CMYA5: variants seen among roughly 807,000 people sequenced by gnomAD.
CMYA5 encodes cardiomyopathy-associated protein 5.
Under a neutral mutation model 318.9 loss-of-function variants are expected in CMYA5, and 246 were observed. The ratio of observed to expected loss-of-function variants is 0.77; its 90% CI spans 0.70 to 0.86. The LOEUF (loss-of-function observed/expected upper bound fraction) is 0.86. Ranked by LOEUF, CMYA5 falls within the 40% of genes least tolerant of loss-of-function variation. CMYA5 has a pLI of 0.00. For missense variants in CMYA5, 4,589 were observed against 4,678.2 expected (o/e 0.98, Z 0.56); for synonymous variants, 1,641 against 1,729.5 (o/e 0.95, Z 1.27).
At chr5:79,726,909 ATTTTTTT>A (rs34198193) in intron 1 of CMYA5, among the ~76,000 whole-genome samples, 7 of 96,038 alleles carry the variant, frequency 7.3e-5, no homozygotes, top group South Asian at 3.3e-4. Context: ...TAGGCCAGTG[ATTTTTTT>A]TTTTTTTTTT....
intron 9 of CMYA5, among the ~76,000 whole-genome samples, chr5:79,785,512 T>C (rs1829067643): frequency 6.6e-6 from 1 of 152,144 alleles, no homozygotes; most frequent in Non-Finnish European, 1.5e-5. Context: ...AGATCTTATA[T>C]CTTTATATAT....
At chr5:79,788,563 A>G (rs141117828) in intron 9 of CMYA5, among the ~76,000 whole-genome samples, 40 of 145,832 alleles carry the variant, frequency 2.7e-4, no homozygotes, top group African/African-American at 8.9e-4. Flanking sequence ...TTTGGTTTCT[A>G]TTAACTTTGG....
rs372396958 is a variant in CMYA5, at chr5:79,737,786, G to A, written c.9021G>A (p.Arg3007=). 1.2e-6 allele frequency: 2 copies of A among 1,610,814 alleles called. No homozygotes were observed. Among genetic ancestry groups the A allele is most frequent in the Non-Finnish European group, 1.7e-6 (2 of 1,179,188 alleles). ...CTTGTCATAAAACATTAAAGAGCAGGTTAGAAGATGAAAAAGTTACCCCAT... is the reference window on the plus strand; with the variant it reads ...CTTGTCATAAAACATTAAAGAGCAGATTAGAAGATGAAAAAGTTACCCCAT... ...TVACHKTLKS[R]LEDEKVTPLK... The change falls in exon 2 of 13, where the codon AGG becomes AGA. Residue 3007 remains arginine, a synonymous_variant. Transcript: ENST00000446378.
At chr5:79,739,702 G>T (rs1329976766) in intron 2 of CMYA5, among the ~76,000 whole-genome samples, 1 of 152,144 alleles carries the variant, frequency 6.6e-6, no homozygotes, top group South Asian at 2.1e-4. Flanking sequence ...ATAAGAGGGG[G>T]CTGGGTGTGG....
chr5:79,741,895 G>T (rs1828214680), intron 2 of CMYA5, among the ~76,000 whole-genome samples: 1 of 151,872 alleles, frequency 6.6e-6, no homozygotes, highest in Non-Finnish European at 1.5e-5. Flanking sequence ...TAAACAGTAT[G>T]AGAAGGAGAA....
At position 79,736,649 on chromosome 5, in the gene CMYA5, G is replaced by A. The variant is rs1828075989; in HGVS notation, c.7884G>A (p.Leu2628=). Residue 2628 remains leucine (L), a synonymous_variant, in exon 2 of 13, where the codon TTG becomes TTA. Transcript: ENST00000446378. ...QPHPLEESKV[L]VEKTKTFLPV... ...ATCCTTTAGAAGAAAGTAAAGTTTT[G>A]GTGGAGAAAACCAAGACTTTCCTGC... 6.2e-7 allele frequency: 1 copy of A among 1,613,568 alleles called. No individual in the cohort carries two copies. The highest frequency in any genetic ancestry group is 1.3e-5 in the African/African-American group (1 of 74,860).
At chr5:79,754,051 G>A (rs1322471747) in intron 6 of CMYA5, among the ~76,000 whole-genome samples, 1 of 152,208 alleles carries the variant, frequency 6.6e-6, no homozygotes, top group African/African-American at 2.4e-5. Flanking sequence ...ATGTCACAAA[G>A]TGTTAACAAT....
At chr5:79,703,519 C>T (rs936197828) in intron 1 of CMYA5, among the ~76,000 whole-genome samples, 1 of 152,174 alleles carries the variant, frequency 6.6e-6, no homozygotes, top group East Asian at 1.9e-4. Context: ...GAATTTAATT[C>T]CTTCTAAAGC....
At position 79,753,166 on chromosome 5, in the gene CMYA5, G is replaced by A. The variant is rs532444195; in HGVS notation, c.11110+372G>A. Among the ~76,000 whole-genome samples the A allele has an allele frequency of 4.3e-4, 66 of 151,880 alleles. 1 individual carries two copies. The highest frequency in any genetic ancestry group is 1.3e-3 in the African/African-American group (54 of 41,422). Reference sequence around the variant, plus strand: ...AAAAAGAAGTCAAATGTTTTCCTACGTGTCAAACAGATTTCTCTTTATGAG... The same window carrying A: ...AAAAAGAAGTCAAATGTTTTCCTACATGTCAAACAGATTTCTCTTTATGAG... On this transcript the variant is annotated intron_variant, in intron 6 of 12. Coordinates refer to ENST00000446378, the MANE Select transcript of CMYA5 (RefSeq NM_153610.5).
chr5:79,756,401 G>A (rs892092481), intron 6 of CMYA5, among the ~76,000 whole-genome samples: 8 of 152,160 alleles, frequency 5.3e-5, no homozygotes, highest in African/African-American at 1.9e-4. Flanking sequence ...AGGCCCCTTT[G>A]CTTTCTGAAT....
chr5:79,716,000 G>A (rs536490422), intron 1 of CMYA5, among the ~76,000 whole-genome samples: 12 of 152,140 alleles, frequency 7.9e-5, no homozygotes, highest in African/African-American at 2.9e-4. Context: ...TCGTGGCATC[G>A]CTGAGTTCTA....
rs559408843 is a variant in CMYA5, at chr5:79,718,600, A to AT, written c.150-10313dup. Among the ~76,000 whole-genome samples the AT allele has an allele frequency of 2.3e-4, 35 of 152,320 alleles. No individual in the cohort carries two copies. In the East Asian group the frequency reaches 3.3e-3, roughly 14 times the overall value. On this transcript the variant is annotated intron_variant, in intron 1 of 12. Coordinates refer to ENST00000446378, the MANE Select transcript of CMYA5 (RefSeq NM_153610.5). ...ATGCAAATCTAAGGTATTTTTCATA[A>AT]TTATATTCCTATAAAGAACTTTAAT...
In CMYA5 at chr5:79,711,167, G is replaced by A. The variant is rs147165508; in HGVS notation, c.150-17748G>A. Among the ~76,000 whole-genome samples, 100 of 152,196 alleles carry A rather than the reference G, an allele frequency of 6.6e-4. 1 individual carries two copies. The highest frequency in any genetic ancestry group is 2.3e-3 in the African/African-American group (97 of 41,520). Reference sequence around the variant, plus strand: ...GAATTTTAGAGACTTCTTTTTATAAGTTCTATTTTACTGTTGGTTATGTTT... The same window carrying A: ...GAATTTTAGAGACTTCTTTTTATAAATTCTATTTTACTGTTGGTTATGTTT... On this transcript the variant is annotated intron_variant, in intron 1 of 12. Coordinates refer to ENST00000446378, the MANE Select transcript of CMYA5 (RefSeq NM_153610.5).
Position 79,733,850 on chromosome 5 carries a change from T to A in CMYA5, c.5085T>A (p.Pro1695=), listed in dbSNP as rs1166820379. The change falls in exon 2 of 13, where the codon CCT becomes CCA. Residue 1695 remains proline (P), a synonymous_variant. Transcript: ENST00000446378. ...AGCTTTGTGCATCTTCTACGATGCC[T>A]GCAATTTCAGAGCTTTCATCATTGC... The part of the protein sequence containing the change: ...NRELCASSTM[P]AISELSSLLR... The A allele has an allele frequency of 6.2e-7, 1 of 1,613,518 alleles. No individual in the cohort carries two copies. Among genetic ancestry groups the A allele is most frequent in the Admixed American group, 1.7e-5 (1 of 59,948 alleles).
chr5:79,785,255 CT>C (rs1202160813), intron 9 of CMYA5, among the ~76,000 whole-genome samples: 3 of 151,232 alleles, frequency 2.0e-5, no homozygotes, highest in Admixed American at 1.3e-4. Context: ...CGCTTCCTGA[CT>C]TTTTTTTTCT....
chr5:79,716,444 C>A (rs1322915070), intron 1 of CMYA5, among the ~76,000 whole-genome samples: 1 of 152,136 alleles, frequency 6.6e-6, no homozygotes, highest in Non-Finnish European at 1.5e-5. Context: ...AATGTTGGTG[C>A]AAAAGTAATT....
intron 1 of CMYA5, among the ~76,000 whole-genome samples, chr5:79,696,858 T>G (rs1173444794): frequency 6.6e-6 from 1 of 152,010 alleles, no homozygotes; most frequent in Non-Finnish European, 1.5e-5. Flanking sequence ...AATACAAAAA[T>G]TAGCCGGGCA....
intron 1 of CMYA5, among the ~76,000 whole-genome samples, chr5:79,708,392 C>T (rs1827315255): frequency 6.6e-6 from 1 of 151,906 alleles, no homozygotes; most frequent in Admixed American, 6.6e-5. Flanking sequence ...GAGGCCGAGG[C>T]AGGCAGATCA....
chr5:79,791,285 G>A (rs1580809355), intron 11 of CMYA5, among the ~76,000 whole-genome samples: 1 of 152,078 alleles, frequency 6.6e-6, no homozygotes, highest in African/African-American at 2.4e-5. Context: ...TATTTTTATT[G>A]GAAATATAAG....
Sources: allele counts gnomAD v4.1 joint callset (sites outside exome capture counted in the v4.1 genomes callset), GRCh38; gene constraint gnomAD v4.1.1; transcripts MANE v1.5; gene names NCBI Gene and HGNC (gene_info 2026-07-23, HGNC 2026-07-21).